The following TGFBR2 variants were observed in gnomAD, a reference collection of about 807,000 sequenced individuals.
TGFBR2 encodes transforming growth factor beta receptor 2.
TGFBR2 carries 18 observed loss-of-function variants against 49.0 expected under a neutral mutation model. The observed-to-expected ratio is 0.37, with a 90% CI of 0.25 to 0.54. The LOEUF (loss-of-function observed/expected upper bound fraction) is 0.54, where lower values mean the gene tolerates loss of function less well. Ranked by LOEUF, TGFBR2 falls within the 20% of genes least tolerant of loss-of-function variation. The probability of loss-of-function intolerance (pLI) is 0.85; values close to 1 mark genes in which losing one functional copy is unlikely to be tolerated. For missense variants in TGFBR2, 525 were observed against 722.6 expected, an observed-to-expected ratio of 0.73 and a Z score of 3.13; for synonymous variants, 282 against 275.9, an observed-to-expected ratio of 1.02 and a Z score of -0.22.
intron 1 of TGFBR2, among the ~76,000 whole-genome samples, chr3:30,633,046 T>C (rs970577865): frequency 3.9e-5 from 6 of 152,234 alleles, no homozygotes; most frequent in Non-Finnish European, 8.8e-5. Context: ...TGCCTTGTAC[T>C]GGAATGTGTG....
intron 5 of TGFBR2, among the ~76,000 whole-genome samples, chr3:30,680,616 G>T (rs1244096444): frequency 6.6e-6 from 1 of 151,094 alleles, no homozygotes; most frequent in Admixed American, 6.6e-5. Flanking sequence ...ATTTTAGAAA[G>T]AAAAATAGAC....
intron 3 of TGFBR2, 86 bp from the exon 4 acceptor site, chr3:30,671,552 A>G (rs902185909): frequency 1.2e-5 from 16 of 1,341,248 alleles, no homozygotes; most frequent in African/African-American, 1.1e-4. Context: ...GCTAAAATCT[A>G]TAGATGCTCA....
At chr3:30,613,959 A>G (rs546964607) in intron 1 of TGFBR2, among the ~76,000 whole-genome samples, 5 of 152,192 alleles carry the variant, frequency 3.3e-5, no homozygotes, top group Non-Finnish European at 5.9e-5. Flanking sequence ...AGTTTTGGTT[A>G]ATTGTACCAT....
rs572145481 is a variant in TGFBR2 at position 30,636,811 on chromosome 3, T to TCC, written c.95-7934_95-7933dup. ...CAGGCGTGGTGGCTCAAGCCTGTAA[T>TCC]CCCAGCACTTTGGGAGGCCAAGGTG... On this transcript the variant is annotated intron_variant, in intron 1 of 6. Coordinates refer to ENST00000295754, the MANE Select transcript of TGFBR2 (RefSeq NM_003242.6). Among the ~76,000 whole-genome samples, 626 of 151,950 alleles carry TCC rather than the reference T, an allele frequency of 4.1e-3. 5 individuals are homozygous for TCC. The highest frequency in any genetic ancestry group is 0.016 in the South Asian group (77 of 4,800).
At chr3:30,616,020 G>A (rs2125447361) in intron 1 of TGFBR2, among the ~76,000 whole-genome samples, 1 of 152,134 alleles carries the variant, frequency 6.6e-6, no homozygotes, top group South Asian at 2.1e-4. Context: ...TAGGATTACA[G>A]GTGTAAGCCA....
rs1306022499 is a variant in TGFBR2, at chr3:30,686,424, A to G, written c.1397-1960A>G. On this transcript the variant is annotated intron_variant, in intron 5 of 6. Transcript: ENST00000295754. Reference sequence around the variant, plus strand: ...GGAGGATAGTTTGTGGTTTGTCTTAATGTGATGGGAGGCCTTCATCCCAAA... The same window carrying G: ...GGAGGATAGTTTGTGGTTTGTCTTAGTGTGATGGGAGGCCTTCATCCCAAA... 2.0e-5 allele frequency among the ~76,000 whole-genome samples: 3 copies of G among 152,200 alleles called. No homozygotes were observed. The East Asian group carries it at 5.8e-4, about 29-fold the overall frequency.
chr3:30,639,710 A>T (rs574433770), intron 1 of TGFBR2, among the ~76,000 whole-genome samples: 1 of 152,344 alleles, frequency 6.6e-6, no homozygotes, highest in African/African-American at 2.4e-5. Flanking sequence ...TAATCAAGAC[A>T]TCCACAGGTA....
At chr3:30,686,268 G>A (rs1254216212) in intron 5 of TGFBR2, among the ~76,000 whole-genome samples, 1 of 152,184 alleles carries the variant, frequency 6.6e-6, no homozygotes, top group Non-Finnish European at 1.5e-5. Context: ...GGCATTTACA[G>A]TCTGGTTGAA....
chr3:30,623,240 A>C lies in TGFBR2; in HGVS notation c.94+16263A>C, dbSNP rs200111443. On this transcript the variant is annotated intron_variant, in intron 1 of 6. Transcript: ENST00000295754. ...CCAGAAAGATGAAATCATCTGCCCC[A>C]GCTGTAATAGGACTGCCCATCCACT... 2.0e-4 allele frequency: 324 copies of C among 1,612,766 alleles called. 4 individuals carry two copies. The East Asian group carries it at 7.0e-3, about 35-fold the overall frequency.
At chr3:30,637,451 A>G (rs985921008) in intron 1 of TGFBR2, among the ~76,000 whole-genome samples, 1 of 152,198 alleles carries the variant, frequency 6.6e-6, no homozygotes, top group African/African-American at 2.4e-5. Context: ...TGCTTCCCTT[A>G]GATACCGCTG....
intron 1 of TGFBR2, among the ~76,000 whole-genome samples, chr3:30,620,682 G>C (rs1234017673): frequency 2.6e-5 from 4 of 152,068 alleles, no homozygotes; most frequent in Admixed American, 1.3e-4. Flanking sequence ...TATGACTATA[G>C]AGACCAGGCA....
chr3:30,624,709 G>A (rs1698301031), intron 1 of TGFBR2, among the ~76,000 whole-genome samples: 3 of 151,818 alleles, frequency 2.0e-5, no homozygotes. Flanking sequence ...TCTACTACTA[G>A]CTTTATATAA....
intron 2 of TGFBR2, among the ~76,000 whole-genome samples, chr3:30,647,758 C>T (rs1462952524): frequency 6.6e-6 from 1 of 152,104 alleles, no homozygotes; most frequent in African/African-American, 2.4e-5. Flanking sequence ...CTCACTGCAA[C>T]CTCTGCCTCC....
chr3:30,684,991 G>A (rs571096232), intron 5 of TGFBR2, among the ~76,000 whole-genome samples: 7 of 152,254 alleles, frequency 4.6e-5, no homozygotes, highest in South Asian at 4.1e-4. Flanking sequence ...TTGGCTCTGC[G>A]TTTATAGTCT....
chr3:30,611,977 C>T (rs1030925634), intron 1 of TGFBR2, among the ~76,000 whole-genome samples: 1 of 152,178 alleles, frequency 6.6e-6, no homozygotes, highest in Non-Finnish European at 1.5e-5. Context: ...GATATGCATT[C>T]GCAGCAAGAA....
intron 3 of TGFBR2, among the ~76,000 whole-genome samples, chr3:30,653,341 T>C (rs9837181): frequency 0.057 from 8,430 of 148,852 alleles, 824 homozygotes; most frequent in African/African-American, 0.2. Context: ...AACCTCTGCC[T>C]CCTGGATTCA....
chr3:30,671,834 C>G lies in TGFBR2; in HGVS notation c.651C>G (p.Ala217=). ...TCATGGAGTTCAGCGAGCACTGTGC[C>G]ATCATCCTGGAAGATGACCGCTCTG... ...RKLMEFSEHC[A]IILEDDRSDI... is the part of the protein sequence containing the mutation. The change falls in exon 4 of 7, where the codon GCC becomes GCG. Residue 217 remains alanine, a synonymous_variant. Coordinates refer to ENST00000295754, the MANE Select transcript of TGFBR2 (RefSeq NM_003242.6). The G allele has an allele frequency of 6.2e-7, 1 of 1,614,228 alleles. No homozygotes were observed. The highest frequency in any genetic ancestry group is 1.1e-5 in the South Asian group (1 of 91,090).
chr3:30,688,141 A>T (rs1054637001), intron 5 of TGFBR2, among the ~76,000 whole-genome samples: 1 of 152,202 alleles, frequency 6.6e-6, no homozygotes, highest in Non-Finnish European at 1.5e-5. Context: ...TGTGTCCCCC[A>T]GCGTAACACC....
At chr3:30,680,705 AAAC>A (rs1250386192) in intron 5 of TGFBR2, among the ~76,000 whole-genome samples, 1 of 152,220 alleles carries the variant, frequency 6.6e-6, no homozygotes, top group Non-Finnish European at 1.5e-5. Flanking sequence ...AAAAAAAAGA[AAAC>A]AAATCTTTCA....
Sources: allele counts gnomAD v4.1 joint callset (sites outside exome capture counted in the v4.1 genomes callset), GRCh38; gene constraint gnomAD v4.1.1; transcripts MANE v1.5; gene names NCBI Gene and HGNC (gene_info 2026-07-23, HGNC 2026-07-21).